The following ZGRF1 variants were observed in gnomAD, a reference collection of about 807,000 sequenced individuals.
The protein encoded by ZGRF1 is 5'-3' DNA helicase ZGRF1.
Under a neutral mutation model 203.5 loss-of-function variants are expected in ZGRF1, and 196 were observed. That is an observed-to-expected ratio of 0.96 (90% confidence interval 0.86 to 1.08). The LOEUF is 1.08. Ranked by LOEUF, ZGRF1 falls within the 50% of genes least tolerant of loss-of-function variation. ZGRF1 has a pLI of 0.00. For synonymous variants in ZGRF1, 809 were observed against 841.3 expected, an observed-to-expected ratio of 0.96 and a Z score of 0.66; for missense variants, 2,326 against 2,416.3, an observed-to-expected ratio of 0.96 and a Z score of 0.78.
At chr4:112,563,000 T>C (rs1742292247) in intron 17 of ZGRF1, 131 bp downstream of exon 17, 2 of 589,072 alleles carry the variant, frequency 3.4e-6, no homozygotes, top group South Asian at 7.0e-5. Flanking sequence ...TTCATACACA[T>C]TTTCAGGAAC....
rs146254823 is a variant in ZGRF1, at chr4:112,543,781, C to T, written c.5599-2513G>A. On this transcript the variant is annotated intron_variant, in intron 24 of 27. Transcript: ENST00000505019. ...TCACTATTTCCACGTTTTTTGGTTCCGCTTGAATTTTGAACCATATGACTA... is the reference window on the plus strand; with the variant it reads ...TCACTATTTCCACGTTTTTTGGTTCTGCTTGAATTTTGAACCATATGACTA... Among the ~76,000 whole-genome samples the T allele has an allele frequency of 2.2e-4, 34 of 152,140 alleles. No homozygotes were observed. In the East Asian group the frequency reaches 5.8e-3, roughly 26 times the overall value.
At position 112,606,134 on chromosome 4, in the gene ZGRF1, T is replaced by C. The variant is rs1028248904; in HGVS notation, c.2719-43A>G. ...TAAGTTATCTAGTTAGCTAGAATAG[T>C]TTCACAGGTGATTCATGATTTTGAT... is the stretch of plus-strand genomic sequence containing the variant. On this transcript the variant is annotated intron_variant, in intron 8 of 27. Coordinates refer to ENST00000505019, the MANE Select transcript of ZGRF1 (RefSeq NM_018392.5). 5 of 1,185,704 alleles carry C rather than the reference T, an allele frequency of 4.2e-6. No homozygotes were observed. The African/African-American group carries it at 7.7e-5, about 18-fold the overall frequency. The allele number at this position is 1,185,704 out of a possible 1,614,324, so 73.4% of individuals were successfully genotyped here.
intron 19 of ZGRF1, 72 bp downstream of exon 19, chr4:112,560,660 TA>T: frequency 7.9e-7 from 1 of 1,271,198 alleles, no homozygotes; most frequent in Non-Finnish European, 1.1e-6. Flanking sequence ...TAGGAAATTA[TA>T]AAGGAGCAGA....
At position 112,581,693 on chromosome 4, in the gene ZGRF1, G is replaced by C; in HGVS notation, c.4408C>G (p.Arg1470Gly). Residue 1470 changes from arginine (R) to glycine (G), a missense_variant, in exon 16 of 28, where the codon CGG (arginine) becomes GGG (glycine). Coordinates refer to ENST00000505019, the MANE Select transcript of ZGRF1 (RefSeq NM_018392.5). ...PKTKLYLKLS[R>G]KERSSAYSKN... ...CTATAAGCTGAAGATCTTTCCTTCCGACTTAGCTTAAGATAAAGTTTGGTT... is the reference window on the plus strand; with the variant it reads ...CTATAAGCTGAAGATCTTTCCTTCCCACTTAGCTTAAGATAAAGTTTGGTT... 6.3e-7 allele frequency: 1 copy of C among 1,579,266 alleles called. No individual in the cohort carries two copies. The highest frequency in any genetic ancestry group is 8.6e-7 in the Non-Finnish European group (1 of 1,167,532).
chr4:112,546,447 A>T (rs1738791506), intron 24 of ZGRF1, among the ~76,000 whole-genome samples: 1 of 152,234 alleles, frequency 6.6e-6, no homozygotes, highest in Admixed American at 6.5e-5. Context: ...TTTTTTAAGA[A>T]ATTTAAAAAA....
intron 10 of ZGRF1, among the ~76,000 whole-genome samples, chr4:112,594,061 C>T (rs997665442): frequency 2.0e-5 from 3 of 152,174 alleles, no homozygotes; most frequent in East Asian, 1.9e-4. Context: ...AGCCTAATCA[C>T]CCATTCTAAA....
chr4:112,540,918 G>A lies in ZGRF1; in HGVS notation c.5813C>T (p.Ala1938Val). Residue 1938 changes from alanine (A) to valine (V), a missense_variant, in exon 26 of 28, where the codon GCT becomes GTT. Physicochemically the swap from Ala to Val is moderately conservative, Grantham distance 64. Coordinates refer to ENST00000505019, the MANE Select transcript of ZGRF1 (RefSeq NM_018392.5). ...TTGAATCAGCTTGAGTGTAAACGTA[G>A]CTTCTGCCACATTATGAAAGCTGTT... ...RDNSFHNVAE[A>V]TFTLKLIQSL... 6.3e-7 allele frequency: 1 copy of A among 1,578,450 alleles called. No homozygotes were observed. Among genetic ancestry groups the A allele is most frequent in the Non-Finnish European group, 8.6e-7 (1 of 1,160,298 alleles).
intron 18 of ZGRF1, 55 bp from the exon 19 acceptor site, chr4:112,561,050 T>G: frequency 7.4e-7 from 1 of 1,346,270 alleles, no homozygotes; most frequent in Non-Finnish European, 1.0e-6. Flanking sequence ...TTGAAAAAGA[T>G]GAGTAGAATA....
At chr4:112,582,921 G>A (rs566787520) in intron 15 of ZGRF1, among the ~76,000 whole-genome samples, 31 of 152,104 alleles carry the variant, frequency 2.0e-4, no homozygotes, top group African/African-American at 7.2e-4. Flanking sequence ...TCCATATCTT[G>A]GCTATTGTGA....
intron 16 of ZGRF1, 65 bp downstream of exon 16, chr4:112,581,598 T>C: frequency 2.7e-6 from 3 of 1,125,176 alleles, no homozygotes; most frequent in Non-Finnish European, 3.6e-6. Context: ...AAACAATTTA[T>C]ACAGCTGTAT....
chr4:112,630,005 C>T, intron 3 of ZGRF1: 3 of 210,968 alleles, frequency 1.4e-5, no homozygotes, highest in South Asian at 1.1e-4. Context: ...GGCAACAGAG[C>T]AAGACTCTGT....
chr4:112,573,900 T>TA (rs529838962), intron 16 of ZGRF1, among the ~76,000 whole-genome samples: 8 of 152,244 alleles, frequency 5.3e-5, no homozygotes, highest in East Asian at 3.9e-4. Flanking sequence ...CACATGTAAC[T>TA]AAAAAACACA....
At chr4:112,589,104 AC>A (rs1747714141) in intron 11 of ZGRF1, among the ~76,000 whole-genome samples, 1 of 152,018 alleles carries the variant, frequency 6.6e-6, no homozygotes, top group African/African-American at 2.4e-5. Context: ...TCTACAACTC[AC>A]CCCTCACCCA....
Position 112,618,426 on chromosome 4 carries a change from G to T in ZGRF1, c.1616C>A (p.Thr539Asn). The part of the protein sequence containing the change: ...EVTFNLNNFE[T>N]SDTEEESQES... ...CTGTGATTCCTCCTCAGTGTCACTGGTCTCAAAATTGTTCAGATTAAAAGT... is the reference window on the plus strand; with the variant it reads ...CTGTGATTCCTCCTCAGTGTCACTGTTCTCAAAATTGTTCAGATTAAAAGT... Residue 539 changes from threonine to asparagine, a missense_variant, in exon 6 of 28, where the codon ACC (threonine) becomes AAC (asparagine). Coordinates refer to ENST00000505019, the MANE Select transcript of ZGRF1 (RefSeq NM_018392.5). The T allele has an allele frequency of 4.3e-6, 7 of 1,613,704 alleles. No individual in the cohort carries two copies. Among genetic ancestry groups the T allele is most frequent in the Non-Finnish European group, 5.9e-6 (7 of 1,179,864 alleles).
chr4:112,608,197 G>C (rs542179864), intron 8 of ZGRF1, among the ~76,000 whole-genome samples: 108 of 152,206 alleles, frequency 7.1e-4, no homozygotes, highest in African/African-American at 2.5e-3. Flanking sequence ...TATAGGCACG[G>C]GCCACTGCTC....
At chr4:112,619,741 G>T in intron 5 of ZGRF1, 51 bp from the exon 6 acceptor site, 2 of 1,378,240 alleles carry the variant, frequency 1.5e-6, no homozygotes, top group South Asian at 1.5e-5. Context: ...TTAAGAAAAT[G>T]TGAAATGAAC....
chr4:112,586,397 C>T (rs755067727), intron 13 of ZGRF1, 48 bp downstream of exon 13: 3 of 1,431,264 alleles, frequency 2.1e-6, no homozygotes, highest in Non-Finnish European at 2.8e-6. Flanking sequence ...AATTTTACTA[C>T]TTACATGAAG....
At chr4:112,554,035 A>T in intron 21 of ZGRF1, 53 bp from the exon 22 acceptor site, 1 of 1,468,958 alleles carries the variant, frequency 6.8e-7, no homozygotes, top group Non-Finnish European at 9.2e-7. Flanking sequence ...ATAACATCAC[A>T]GTAAAGCAAA....
At chr4:112,607,255 C>CT (rs1477078866) in intron 8 of ZGRF1, among the ~76,000 whole-genome samples, 19 of 152,060 alleles carry the variant, frequency 1.2e-4, no homozygotes, top group Non-Finnish European at 2.5e-4. Flanking sequence ...TCTTGAGTAA[C>CT]TGGGACTACA....
Sources: gnomAD v4.1 joint callset for allele counts (sites outside exome capture counted in the v4.1 genomes callset) on GRCh38, gnomAD v4.1.1 for gene constraint, MANE v1.5 for transcripts, NCBI Gene and HGNC (gene_info 2026-07-23, HGNC 2026-07-21) for gene names.